The following WNK1 variants were observed in gnomAD, a reference collection of about 807,000 sequenced individuals.
The protein encoded by WNK1 is serine/threonine-protein kinase WNK1.
In WNK1, 38 loss-of-function variants were observed where a neutral mutation model predicts 222.8. The ratio of observed to expected loss-of-function variants is 0.17; its 90% CI spans 0.13 to 0.22. The LOEUF is 0.22. Among genes scored for constraint, WNK1 ranks in the 10% least tolerant of loss-of-function variants. WNK1 has a pLI of 1.00. For missense variants in WNK1, 2,348 were observed against 2,918.4 expected (o/e 0.80, Z 4.50); for synonymous variants, 1,090 against 1,092.9 (o/e 1.00, Z 0.05).
At chr12:895,439 T>C (rs2154094026) in intron 23 of WNK1, among the ~76,000 whole-genome samples, 2 of 152,122 alleles carry the variant, frequency 1.3e-5, no homozygotes, top group South Asian at 4.1e-4. Flanking sequence ...TATTTACTTT[T>C]ATTTTATTTT....
At chr12:858,371 G>A (rs182387597) in intron 5 of WNK1, among the ~76,000 whole-genome samples, 94 of 152,152 alleles carry the variant, frequency 6.2e-4, no homozygotes, top group African/African-American at 2.2e-3. Context: ...TGTATTTTTA[G>A]TAGAGACAGG....
In WNK1 at chr12:798,231, G is replaced by A. The variant is rs143968486; in HGVS notation, c.760-15411G>A. 1.7e-3 allele frequency among the ~76,000 whole-genome samples: 246 copies of A among 148,826 alleles called. 1 individual carries two copies. In the Middle Eastern group the frequency reaches 0.017, roughly 10 times the overall value. On this transcript the variant is annotated intron_variant, in intron 1 of 27. Transcript: ENST00000315939. ...TTTTGAGACGGAGTCTGGCTCTGTC[G>A]CCCAGGCTGGAGTGCAGTGGCCCGA...
intron 8 of WNK1, chr12:868,686 A>C (rs536229449): frequency 6.2e-7 from 1 of 1,613,922 alleles, no homozygotes; most frequent in East Asian, 2.2e-5. Context: ...ATTTTACCTC[A>C]GCGTGTTTAC....
At position 868,500 on chromosome 12, in the gene WNK1, C is replaced by A. The variant is rs750384751; in HGVS notation, c.2140-2765C>A. 8 of 1,613,820 alleles carry A rather than the reference C, an allele frequency of 5.0e-6. No homozygotes were observed. The African/African-American group carries it at 9.3e-5, about 19-fold the overall frequency. On this transcript the variant is annotated intron_variant, in intron 8 of 27. Transcript: ENST00000315939. ...GATTCTGGATTGGGTCCGGGATCTC[C>A]CCTCTCTAGTATTTCTGCACCTATC... is the stretch of plus-strand genomic sequence containing the variant.
chr12:819,236 A>T (rs1565474690), intron 2 of WNK1, among the ~76,000 whole-genome samples: 1 of 152,064 alleles, frequency 6.6e-6, no homozygotes, highest in Non-Finnish European at 1.5e-5. Context: ...TATATTTTAG[A>T]AATTAGACCC....
chr12:881,021 TTA>T (rs1174556189), intron 12 of WNK1, 22 bp downstream of exon 12: 1 of 1,613,968 alleles, frequency 6.2e-7, no homozygotes, highest in Admixed American at 1.7e-5. Flanking sequence ...TACTGCATGT[TTA>T]TATGTAAAAC....
Position 908,019 on chromosome 12 carries a change from G to A in WNK1, c.6816G>A (p.Gly2272=), listed in dbSNP as rs148933574. ...MNLSGRRGSK[G]HMNYEGPGMA... ...TCTCAGGCAGGAGAGGAAGCAAAGGGCACATGAATTACGAGGTAAGTCTCT... is the reference window on the plus strand; with the variant it reads ...TCTCAGGCAGGAGAGGAAGCAAAGGACACATGAATTACGAGGTAAGTCTCT... The change falls in exon 27 of 28, where the codon GGG becomes GGA. Residue 2272 remains glycine (G), a synonymous_variant. Coordinates refer to ENST00000315939, the MANE Select transcript of WNK1 (RefSeq NM_018979.4). 29 of 1,614,036 alleles carry A rather than the reference G, an allele frequency of 1.8e-5. No homozygotes were observed. Among genetic ancestry groups the A allele is most frequent in the Non-Finnish European group, 2.5e-5 (29 of 1,180,050 alleles).
intron 4 of WNK1, among the ~76,000 whole-genome samples, chr12:832,880 C>G (rs756652078): frequency 5.3e-5 from 8 of 152,170 alleles, no homozygotes; most frequent in Non-Finnish European, 1.2e-4. Flanking sequence ...GATAAGTACC[C>G]TAATCATTAT....
At chr12:851,059 G>A (rs1485095129) in intron 4 of WNK1, among the ~76,000 whole-genome samples, 2 of 152,122 alleles carry the variant, frequency 1.3e-5, no homozygotes, top group African/African-American at 2.4e-5. Context: ...TTTAAATTAG[G>A]TGAACAGAGG....
At position 879,854 on chromosome 12, in the gene WNK1, C is replaced by T. The variant is rs754117969; in HGVS notation, c.2655C>T (p.Ile885=). ...CTTCATCTGCTACAACAGCTGCGAT[C>T]CCGGGGGTATCAACTGTGGTTCCTA... The part of the protein sequence containing the change: ...TLASSATTAA[I]PGVSTVVPSQ... The change falls in exon 11 of 28, where the codon ATC becomes ATT. Residue 885 remains isoleucine, a synonymous_variant. Transcript: ENST00000315939. 4 of 1,614,048 alleles carry T rather than the reference C, an allele frequency of 2.5e-6. No individual in the cohort carries two copies. The highest frequency in any genetic ancestry group is 1.3e-5 in the African/African-American group (1 of 74,906).
chr12:861,951 T>G, intron 7 of WNK1, 132 bp from the exon 8 acceptor site: 1 of 992,732 alleles, frequency 1.0e-6, no homozygotes, highest in Non-Finnish European at 1.5e-6. Flanking sequence ...CATTTTTTAT[T>G]TAGTTCAAAT....
rs761892301 is a variant in WNK1 at position 885,035 on chromosome 12, A to T, written c.4231A>T (p.Ser1411Cys). Residue 1411 changes from serine (S) to cysteine (C), a missense_variant, in exon 19 of 28, where the codon AGC becomes TGC. Transcript: ENST00000315939. The stretch of plus-strand genomic sequence containing the variant: ...TGTGTCTGAATCACCAGTACTTTCC[A>T]GCGTAGTTTCAAGTATCACAATACC... The part of the protein sequence containing the change: ...PPVSESPVLS[S>C]VVSSITIPAV... The T allele has an allele frequency of 4.8e-5, 77 of 1,614,068 alleles. 1 individual carries two copies. Among genetic ancestry groups the T allele is most frequent in the Admixed American group, 1.0e-4 (6 of 60,000 alleles).
chr12:908,858 TGGG>T lies in WNK1; in HGVS notation c.*67_*69del. ...GGAATGCTGAGGGGGTGGGTGGGGG[TGGG>T]AAGTAGCCTATATACTAACTACTAG... On this transcript the variant is annotated 3_prime_UTR_variant, in exon 28 of 28. Transcript: ENST00000315939. The T allele has an allele frequency of 3.4e-6, 1 of 290,202 alleles. No homozygotes were observed. Among genetic ancestry groups the T allele is most frequent in the Non-Finnish European group, 7.0e-6 (1 of 143,658 alleles). 18.0% of individuals were successfully genotyped at this position (290,202 alleles called of 1,614,324 possible).
intron 1 of WNK1, among the ~76,000 whole-genome samples, chr12:800,322 T>A (rs971241910): frequency 6.6e-6 from 1 of 152,140 alleles, no homozygotes. Flanking sequence ...TCTTCTTTGA[T>A]CACCTTTTTA....
At chr12:797,948 CAA>C (rs10542152) in intron 1 of WNK1, among the ~76,000 whole-genome samples, 70,589 of 123,624 alleles carry the variant, frequency 0.57, 19,675 homozygotes, top group East Asian at 0.85. Context: ...GACTCTGTCT[CAA>C]AAAAAAAAAA....
chr12:859,774 C>A (rs1951064105), intron 6 of WNK1, among the ~76,000 whole-genome samples: 1 of 151,036 alleles, frequency 6.6e-6, no homozygotes, highest in African/African-American at 2.4e-5. Flanking sequence ...GTGCAGTGGC[C>A]TGATAATCAT....
At chr12:840,205 G>C (rs1430751138) in intron 4 of WNK1, among the ~76,000 whole-genome samples, 1 of 151,884 alleles carries the variant, frequency 6.6e-6, no homozygotes, top group African/African-American at 2.4e-5. Flanking sequence ...ATAGCTCTCT[G>C]TAGCCTTGAA....
At chr12:841,282 C>G (rs997397333) in intron 4 of WNK1, among the ~76,000 whole-genome samples, 3 of 152,146 alleles carry the variant, frequency 2.0e-5, no homozygotes, top group African/African-American at 4.8e-5. Context: ...CAACCCATCC[C>G]CTAGCGACCA....
rs1954864122 is a variant in WNK1, at chr12:897,615, A to G, written c.6382A>G (p.Thr2128Ala). 1.2e-6 allele frequency: 2 copies of G among 1,614,174 alleles called. No individual in the cohort carries two copies. The highest frequency in any genetic ancestry group is 1.3e-5 in the African/African-American group (1 of 75,032). The change falls in exon 25 of 28, where the codon ACT (threonine) becomes GCT (alanine). Residue 2128 changes from threonine (T) to alanine (A), a missense_variant. Physicochemically the swap from Thr to Ala is moderately conservative, Grantham distance 58. Around this residue, in one of 13 missense-constraint regions of WNK1, gnomAD observed 1,144 missense variants for 1,273.6 expected, o/e 0.90. Coordinates refer to ENST00000315939, the MANE Select transcript of WNK1 (RefSeq NM_018979.4). ...APLSGRRRRP[T>A]KSKGSKSSRS... ...CCTTTCAGGGAGAAGACGACGACCC[A>G]CTAAAAGCAAAGGCAGCAAATCTAG...
Sources: allele counts gnomAD v4.1 joint callset (sites outside exome capture counted in the v4.1 genomes callset), GRCh38; gene constraint gnomAD v4.1.1; regional missense constraint gnomAD v4.1.1; transcripts MANE v1.5; gene names NCBI Gene and HGNC (gene_info 2026-07-23, HGNC 2026-07-21).